The following SAXO4 variants were observed in gnomAD, a reference collection of about 807,000 sequenced individuals.
SAXO4 encodes the protein stabilizer of axonemal microtubules 4.
the SAXO4 span, chr11:61,487,023 A>G: frequency 4.3e-6 from 7 of 1,614,156 alleles, no homozygotes; most frequent in Non-Finnish European, 5.9e-6. Flanking sequence ...GCAACAGACA[A>G]ACGTTGCCCT....
the SAXO4 span, chr11:61,490,519 C>A: frequency 1.2e-6 from 2 of 1,614,162 alleles, no homozygotes; most frequent in Non-Finnish European, 1.7e-6. Flanking sequence ...CCTCAGCTGA[C>A]CCCTTCTACC....
At chr11:61,490,689 G>A in the SAXO4 span, 2 of 1,030,436 alleles carry the variant, frequency 1.9e-6, no homozygotes, top group African/African-American at 1.6e-5. Flanking sequence ...CCTGCCTGGG[G>A]ACCCCCCTTC....
At chr11:61,484,758 T>A in the SAXO4 span, 1 of 1,612,802 alleles carries the variant, frequency 6.2e-7, no homozygotes, top group Non-Finnish European at 8.5e-7. Context: ...CCCAGGGAAG[T>A]GCCTCTGCTC....
chr11:61,486,540 C>T, the SAXO4 span: 1 of 1,614,166 alleles, frequency 6.2e-7, no homozygotes, highest in South Asian at 1.1e-5. Context: ...GAGTTCCTAC[C>T]TGTGTTGGCC....
the SAXO4 span, chr11:61,489,481 G>A: frequency 3.6e-6 from 2 of 562,626 alleles, no homozygotes; most frequent in Admixed American, 6.7e-5. Flanking sequence ...GGAAAGTTAA[G>A]TGCCTAGAGA....
At chr11:61,484,830 C>G in the SAXO4 span, 18,506 of 1,560,758 alleles carry the variant, frequency 0.012, 1,432 homozygotes, top group African/African-American at 0.19. Context: ...AGTGGCAGCC[C>G]AGCTAAGGGC....
At chr11:61,485,695 G>A in the SAXO4 span, 1 of 874,512 alleles carries the variant, frequency 1.1e-6, no homozygotes, top group South Asian at 1.6e-5. Flanking sequence ...AGGTCTCCAG[G>A]ATCTTGGGAT....
the SAXO4 span, chr11:61,486,582 G>A: frequency 1.9e-5 from 30 of 1,614,042 alleles, no homozygotes; most frequent in African/African-American, 2.7e-5. Flanking sequence ...GCCTTCAGCC[G>A]AGGGAATGAA....
the SAXO4 span, chr11:61,486,912 C>T: frequency 1.9e-6 from 3 of 1,585,292 alleles, no homozygotes; most frequent in South Asian, 3.3e-5. Context: ...AGGCTGGCCA[C>T]CTCAGCCTCC....
At chr11:61,487,611 AG>A in the SAXO4 span, among the ~76,000 whole-genome samples, 1 of 152,234 alleles carries the variant, frequency 6.6e-6, no homozygotes, top group South Asian at 2.1e-4. Context: ...GGCTATCCCC[AG>A]GGCAACATTA....
the SAXO4 span, chr11:61,486,677 T>C: frequency 7.0e-7 from 1 of 1,436,682 alleles, no homozygotes; most frequent in Non-Finnish European, 9.8e-7. Context: ...AGAGGTGGCA[T>C]TTGGGTCAGG....
the SAXO4 span, chr11:61,490,812 A>C: frequency 7.0e-6 from 4 of 574,186 alleles, no homozygotes; most frequent in Non-Finnish European, 1.2e-5. Context: ...TCTCCTCTAC[A>C]GGTTTGTCAA....
At chr11:61,490,648 C>A in the SAXO4 span, 2 of 1,424,180 alleles carry the variant, frequency 1.4e-6, no homozygotes, top group South Asian at 1.1e-5. Flanking sequence ...TATGGGCCAG[C>A]CCTGCCTCTC....
the SAXO4 span, chr11:61,486,927 T>C: frequency 7.1e-3 from 11,466 of 1,606,934 alleles, 55 homozygotes; most frequent in Non-Finnish European, 8.4e-3. Context: ...GCCTCCCTTC[T>C]GGTGGTTCTG....
At chr11:61,487,359 C>T in the SAXO4 span, 1 of 854,178 alleles carries the variant, frequency 1.2e-6, no homozygotes, top group South Asian at 1.5e-5. Context: ...ATGGGTTCCC[C>T]AGAAGCATAC....
the SAXO4 span, chr11:61,489,624 GT>G: frequency 4.2e-6 from 3 of 717,832 alleles, no homozygotes; most frequent in South Asian, 5.0e-5. Context: ...TTGAGTAAGA[GT>G]TCCCCCAGTG....
the SAXO4 span, among the ~76,000 whole-genome samples, chr11:61,482,150 AT>A: frequency 7.2e-5 from 11 of 152,082 alleles, no homozygotes; most frequent in Non-Finnish European, 1.0e-4. Flanking sequence ...ATTTCCTGCC[AT>A]CACAGTCCTG....
chr11:61,484,652 G>A, the SAXO4 span: 9 of 1,609,698 alleles, frequency 5.6e-6, no homozygotes, highest in Non-Finnish European at 7.6e-6. Context: ...AGTGACTGCC[G>A]CCCCCTCACT....
the SAXO4 span, chr11:61,481,838 T>C: frequency 2.0e-6 from 3 of 1,529,934 alleles, no homozygotes; most frequent in Non-Finnish European, 2.6e-6. Flanking sequence ...CTGGGGGTCG[T>C]CTCCCCTTAT....
Sources: allele counts gnomAD v4.1 joint callset (sites outside exome capture counted in the v4.1 genomes callset), GRCh38; gene constraint gnomAD v4.1.1; transcripts MANE v1.5; gene names NCBI Gene and HGNC (gene_info 2026-07-23, HGNC 2026-07-21).